CNTNAP4: variants seen among roughly 807,000 people sequenced by gnomAD.
The protein encoded by CNTNAP4 is contactin associated protein family member 4.
A neutral mutation model predicts 148.4 loss-of-function variants in CNTNAP4; 98 were observed. That is an observed-to-expected ratio of 0.66 (90% CI 0.56 to 0.78). The LOEUF is 0.78. Among genes scored for constraint, CNTNAP4 ranks in the 30% least tolerant of loss-of-function variants. The probability of loss-of-function intolerance (pLI) is 0.00; values close to 1 mark genes in which losing one functional copy is unlikely to be tolerated. For synonymous variants in CNTNAP4, 730 were observed against 565.1 expected (o/e 1.29, Z -4.14); for missense variants, 1,935 against 1,565.6 (o/e 1.24, Z -3.98).
At chr16:76,526,673 T>A (rs540256164) in intron 17 of CNTNAP4, among the ~76,000 whole-genome samples, 1 of 152,242 alleles carries the variant, frequency 6.6e-6, no homozygotes, top group East Asian at 1.9e-4. Context: ...CCAGTTTTTG[T>A]TTTTGTTTAT....
At chr16:76,557,652 T>C (rs1276016781) in intron 23 of CNTNAP4, 3 of 152,188 alleles carry the variant, frequency 2.0e-5, no homozygotes, top group Non-Finnish European at 2.9e-5. Context: ...TGATTATTAT[T>C]ATTGTTTTGT....
intron 18 of CNTNAP4, among the ~76,000 whole-genome samples, chr16:76,537,700 A>G (rs1392277997): frequency 6.6e-6 from 1 of 152,118 alleles, no homozygotes; most frequent in African/African-American, 2.4e-5. Flanking sequence ...TCTCTCAAAC[A>G]TCCTTCCTTC....
chr16:76,386,265 A>G (rs1234664795), intron 3 of CNTNAP4, among the ~76,000 whole-genome samples: 6 of 152,204 alleles, frequency 3.9e-5, no homozygotes, highest in African/African-American at 1.4e-4. Flanking sequence ...TAGCTCTATT[A>G]TATTCTTGCC....
chr16:76,309,303 A>G (rs1393196927), intron 1 of CNTNAP4, among the ~76,000 whole-genome samples: 2 of 152,000 alleles, frequency 1.3e-5, no homozygotes, highest in African/African-American at 4.8e-5. Flanking sequence ...GAAATCAAGC[A>G]GAGGCTGTTT....
At chr16:76,461,506 T>C (rs2080959974) in intron 8 of CNTNAP4, among the ~76,000 whole-genome samples, 1 of 152,228 alleles carries the variant, frequency 6.6e-6, no homozygotes, top group Non-Finnish European at 1.5e-5. Context: ...TCACTATTTA[T>C]TAATAGTTTA....
intron 6 of CNTNAP4, 149 bp from the exon 7 acceptor site, chr16:76,449,566 G>A: frequency 1.6e-6 from 1 of 611,176 alleles, no homozygotes; most frequent in South Asian, 3.0e-5. Context: ...ACATAAATTT[G>A]TTTTAAATCT....
intron 17 of CNTNAP4, among the ~76,000 whole-genome samples, chr16:76,523,224 T>A (rs967181517): frequency 4.6e-5 from 7 of 150,978 alleles, no homozygotes; most frequent in Non-Finnish European, 7.4e-5. Context: ...TGCCAAACAT[T>A]GAACACTCCC....
intron 3 of CNTNAP4, among the ~76,000 whole-genome samples, chr16:76,407,023 AGAG>A (rs2078620982): frequency 6.6e-6 from 1 of 152,180 alleles, no homozygotes; most frequent in Non-Finnish European, 1.5e-5. Context: ...TCATAGCTAG[AGAG>A]GAGAAGTCAA....
intron 3 of CNTNAP4, among the ~76,000 whole-genome samples, chr16:76,368,072 T>C (rs371545548): frequency 6.6e-6 from 1 of 152,290 alleles, no homozygotes; most frequent in East Asian, 1.9e-4. Flanking sequence ...ATGAGAAACA[T>C]TGGGTTGCTC....
At chr16:76,313,459 T>G (rs1258103922) in intron 1 of CNTNAP4, among the ~76,000 whole-genome samples, 1 of 152,204 alleles carries the variant, frequency 6.6e-6, no homozygotes, top group Non-Finnish European at 1.5e-5. Flanking sequence ...CAGAGCATAC[T>G]AAAACATTTT....
chr16:76,349,359 G>A (rs1965183728), intron 2 of CNTNAP4, among the ~76,000 whole-genome samples: 1 of 152,142 alleles, frequency 6.6e-6, no homozygotes, highest in South Asian at 2.1e-4. Context: ...GTCAAAGTAG[G>A]CAAGGTCAAG....
At chr16:76,392,138 C>T (rs2017057115) in intron 3 of CNTNAP4, among the ~76,000 whole-genome samples, 1 of 152,116 alleles carries the variant, frequency 6.6e-6, no homozygotes. Context: ...GGATTACAGG[C>T]TTGTGCCACC....
chr16:76,555,343 C>T (rs1305975279), intron 23 of CNTNAP4, among the ~76,000 whole-genome samples: 1 of 152,060 alleles, frequency 6.6e-6, no homozygotes, highest in African/African-American at 2.4e-5. Context: ...AATCACCAAA[C>T]ATGCAAAACA....
intron 2 of CNTNAP4, among the ~76,000 whole-genome samples, chr16:76,354,866 C>T (rs910498289): frequency 1.3e-5 from 2 of 152,180 alleles, no homozygotes; most frequent in East Asian, 1.9e-4. Flanking sequence ...GTCCTCCCTT[C>T]TCTAAGTCTA....
chr16:76,288,080 G>T (rs941635066), intron 1 of CNTNAP4, among the ~76,000 whole-genome samples: 4 of 151,998 alleles, frequency 2.6e-5, no homozygotes, highest in African/African-American at 7.2e-5. Flanking sequence ...GACAGGACCA[G>T]GTGGAGATAA....
chr16:76,558,922 A>C lies in CNTNAP4; in HGVS notation c.*239A>C. The stretch of plus-strand genomic sequence containing the variant: ...GCTGTTAATTTTCAACTGTTCTGGT[A>C]TGATCTAAAACAAGTTTAACCTGCT... On this transcript the variant is annotated 3_prime_UTR_variant, in exon 24 of 24. Coordinates refer to ENST00000611870, the MANE Select transcript of CNTNAP4 (RefSeq NM_033401.5). 1 of 338,540 alleles carries C rather than the reference A, an allele frequency of 3.0e-6. No homozygotes were observed. The highest frequency in any genetic ancestry group is 5.3e-6 in the Non-Finnish European group (1 of 187,734). 21.0% of individuals were successfully genotyped at this position (338,540 alleles called of 1,614,324 possible).
Position 76,333,247 on chromosome 16 carries a change from A to G in CNTNAP4, c.196+16724A>G, listed in dbSNP as rs1401362854. Reference sequence around the variant, plus strand: ...AGATGTTTGAGTGGACCTTAGAGCTATCATTAATCTTATAGCCATGATGTG... The same window carrying G: ...AGATGTTTGAGTGGACCTTAGAGCTGTCATTAATCTTATAGCCATGATGTG... On this transcript the variant is annotated intron_variant, in intron 2 of 23. Coordinates refer to ENST00000611870, the MANE Select transcript of CNTNAP4 (RefSeq NM_033401.5). 2.6e-5 allele frequency among the ~76,000 whole-genome samples: 4 copies of G among 152,144 alleles called. No individual in the cohort carries two copies. The South Asian group carries it at 6.2e-4, about 24-fold the overall frequency.
chr16:76,532,950 T>C (rs1275250402), intron 17 of CNTNAP4, among the ~76,000 whole-genome samples: 1 of 151,946 alleles, frequency 6.6e-6, no homozygotes. Context: ...AAACTACAAA[T>C]AGAACTACAA....
chr16:76,338,780 C>T (rs1233131111), intron 2 of CNTNAP4, among the ~76,000 whole-genome samples: 1 of 152,158 alleles, frequency 6.6e-6, no homozygotes, highest in African/African-American at 2.4e-5. Flanking sequence ...AGTGACTTTA[C>T]AACCTTTTGG....
Sources: allele counts gnomAD v4.1 joint callset (sites outside exome capture counted in the v4.1 genomes callset), GRCh38; gene constraint gnomAD v4.1.1; transcripts MANE v1.5; gene names NCBI Gene and HGNC (gene_info 2026-07-23, HGNC 2026-07-21).